The following DYDC1 variants were observed in gnomAD, a reference collection of about 807,000 sequenced individuals.
DYDC1 encodes the protein DPY30 domain-containing protein 1.
Under a neutral mutation model 27.9 loss-of-function variants are expected in DYDC1, and 21 were observed. The ratio of observed to expected loss-of-function variants is 0.75; its 90% CI spans 0.53 to 1.08. DYDC1 has a LOEUF of 1.08. Among genes scored for constraint, DYDC1 ranks in the 50% least tolerant of loss-of-function variants. The probability of loss-of-function intolerance (pLI) is 0.00; values close to 1 mark genes in which losing one functional copy is unlikely to be tolerated. For synonymous variants in DYDC1, 67 were observed against 65.8 expected, an observed-to-expected ratio of 1.02 and a Z score of -0.09; for missense variants, 202 against 205.9, an observed-to-expected ratio of 0.98 and a Z score of 0.12.
intron 1 of DYDC1, chr10:80,356,460 G>A (rs927769443): frequency 2.7e-5 from 27 of 985,230 alleles, no homozygotes; most frequent in Non-Finnish European, 3.3e-5. Flanking sequence ...GGCGCTCAGT[G>A]TGGTTTTCCC....
chr10:80,337,528 A>G, intron 6 of DYDC1: 1 of 704,060 alleles, frequency 1.4e-6, no homozygotes, highest in African/African-American at 1.9e-5. Context: ...TGCAAAATGT[A>G]GCTCTCATCA....
chr10:80,355,355 A>G (rs1278721821), intron 1 of DYDC1, among the ~76,000 whole-genome samples: 1 of 151,922 alleles, frequency 6.6e-6, no homozygotes, highest in Admixed American at 6.5e-5. Flanking sequence ...TTTATGCCAT[A>G]ACTATGTGCA....
chr10:80,352,528 C>A lies in DYDC1; in HGVS notation c.74G>T (p.Arg25Leu), dbSNP rs368762666. The change falls in exon 2 of 7, where the codon CGC (arginine) becomes CTC (leucine). Residue 25 changes from arginine (R) to leucine (L), a missense_variant. Arg to Leu is a moderately radical substitution (Grantham distance 102). Coordinates refer to ENST00000372202, the MANE Select transcript of DYDC1 (RefSeq NM_001269053.2). ...TQGLAEVARV[R>L]PVDPIEYLAL... ...TAAATATTCTATCGGATCCACTGGG[C>A]GAACTCTTGCCACTTCTGCAAGACC... 5 of 1,613,464 alleles carry A rather than the reference C, an allele frequency of 3.1e-6. No individual in the cohort carries two copies. Among genetic ancestry groups the A allele is most frequent in the Non-Finnish European group, 3.4e-6 (4 of 1,179,782 alleles).
At chr10:80,336,523 T>G in intron 6 of DYDC1, 4 of 173,766 alleles carry the variant, frequency 2.3e-5, no homozygotes, top group Non-Finnish European at 4.6e-5. Context: ...CTAGGTACCT[T>G]ACTCAATCCC....
intron 1 of DYDC1, among the ~76,000 whole-genome samples, chr10:80,354,667 C>A (rs768804222): frequency 1.4e-4 from 22 of 151,948 alleles, no homozygotes; most frequent in Non-Finnish European, 2.4e-4. Flanking sequence ...TAGTGTGGAG[C>A]CGTCATGCAT....
Position 80,352,588 on chromosome 10 carries a change from T to TA in DYDC1, c.13dup (p.Tyr5LeufsTer37), listed in dbSNP as rs1843066011. On this transcript the variant is annotated frameshift_variant, in exon 2 of 7. Transcript: ENST00000372202. LOFTEE classifies it high-confidence loss of function. ...ACAGGCCCCAAGGTGCTTTTGAAGA[T>TA]ATATTGACTCCATTTCTAACTCCTA... The TA allele has an allele frequency of 6.2e-7, 1 of 1,604,058 alleles. No individual in the cohort carries two copies. The highest frequency in any genetic ancestry group is 1.1e-5 in the South Asian group (1 of 88,218).
chr10:80,352,975 A>G (rs2132841472), intron 1 of DYDC1, among the ~76,000 whole-genome samples: 1 of 152,308 alleles, frequency 6.6e-6, no homozygotes, highest in South Asian at 2.1e-4. Flanking sequence ...AAGATGAGCA[A>G]GCCCAGGCAC....
chr10:80,350,465 C>T (rs1842920569), intron 3 of DYDC1, among the ~76,000 whole-genome samples: 1 of 152,164 alleles, frequency 6.6e-6, no homozygotes, highest in Non-Finnish European at 1.5e-5. Context: ...CTGCAGGAAG[C>T]ACCTGGCCTG....
In DYDC1 at chr10:80,342,277, A is replaced by G; in HGVS notation, c.334T>C (p.Leu112=). The G allele has an allele frequency of 6.2e-7, 1 of 1,613,448 alleles. No homozygotes were observed. The highest frequency in any genetic ancestry group is 8.5e-7 in the Non-Finnish European group (1 of 1,179,772). Residue 112 remains leucine, a synonymous_variant, in exon 4 of 7, where the codon TTA becomes CTA. Transcript: ENST00000372202. ...IQELQRAQEQ[L]GKEMRMNMEN... Reference sequence around the variant, plus strand: ...ATAAAACTTCAAATTACCTTGCCTAATTGTTCTTGAGCTCTCTGTAGTTCT... The same window carrying G: ...ATAAAACTTCAAATTACCTTGCCTAGTTGTTCTTGAGCTCTCTGTAGTTCT...
intron 3 of DYDC1, among the ~76,000 whole-genome samples, chr10:80,346,316 T>C (rs1015148246): frequency 2.0e-5 from 3 of 152,178 alleles, no homozygotes; most frequent in African/African-American, 7.2e-5. Context: ...GGTCATATGG[T>C]AGCTTTTAAT....
chr10:80,355,497 G>C (rs1037562137), intron 1 of DYDC1, among the ~76,000 whole-genome samples: 1 of 152,020 alleles, frequency 6.6e-6, no homozygotes, highest in Non-Finnish European at 1.5e-5. Flanking sequence ...CTATCTCAAA[G>C]ATATAGTTGC....
Position 80,356,738 on chromosome 10 carries a change from CAGGAGCG to C in DYDC1, c.-43_-37del. ...CCTACACACGCGCCTGCTCGCCACC[CAGGAGCG>C]GCGTCCCGTTGCCAGGCAACGAGAG... On this transcript the variant is annotated 5_prime_UTR_variant, in exon 1 of 7. Transcript: ENST00000372202. The C allele has an allele frequency of 1.0e-6, 1 of 985,456 alleles. No individual in the cohort carries two copies. The highest frequency in any genetic ancestry group is 4.7e-5 in the South Asian group (1 of 21,282). The allele number at this position is 985,456 out of a possible 1,614,324, so 61.0% of individuals were successfully genotyped here.
intron 6 of DYDC1, 142 bp from the exon 7 acceptor site, chr10:80,336,327 A>T: frequency 7.3e-7 from 1 of 1,364,136 alleles, no homozygotes; most frequent in South Asian, 1.9e-5. Flanking sequence ...TTCAAATGAT[A>T]CTCAAATTGA....
At chr10:80,353,919 C>A (rs1396135450) in intron 1 of DYDC1, among the ~76,000 whole-genome samples, 1 of 152,020 alleles carries the variant, frequency 6.6e-6, no homozygotes, top group African/African-American at 2.4e-5. Flanking sequence ...CCTTGGAGCC[C>A]TTTTGGAAAC....
intron 3 of DYDC1, among the ~76,000 whole-genome samples, chr10:80,349,694 G>A (rs1842876118): frequency 6.6e-6 from 1 of 152,170 alleles, no homozygotes; most frequent in Admixed American, 6.5e-5. Context: ...ATAATGCAAA[G>A]TGTATTTGTT....
At chr10:80,355,096 G>GAA (rs79869965) in intron 1 of DYDC1, among the ~76,000 whole-genome samples, 3,478 of 142,492 alleles carry the variant, frequency 0.024, 157 homozygotes, top group South Asian at 0.17. Flanking sequence ...TACATTTACT[G>GAA]AAAAAAAAAA....
At position 80,351,356 on chromosome 10, in the gene DYDC1, T is replaced by C. The variant is rs1842961298; in HGVS notation, c.249+545A>G. Among the ~76,000 whole-genome samples the C allele has an allele frequency of 5.3e-5, 8 of 151,538 alleles. No individual in the cohort carries two copies. The South Asian group carries it at 1.7e-3, about 31-fold the overall frequency. Reference sequence around the variant, plus strand: ...CCTACGAATCATCCACTCTATTTCCTAATGTCACCCACTCACTCCTCCACT... The same window carrying C: ...CCTACGAATCATCCACTCTATTTCCCAATGTCACCCACTCACTCCTCCACT... On this transcript the variant is annotated intron_variant, in intron 3 of 6. Coordinates refer to ENST00000372202, the MANE Select transcript of DYDC1 (RefSeq NM_001269053.2).
chr10:80,356,226 G>A (rs2132867137), intron 1 of DYDC1: 2 of 982,326 alleles, frequency 2.0e-6, no homozygotes, highest in Non-Finnish European at 2.4e-6. Context: ...TCTCTCCTGT[G>A]GTAAGCAATG....
chr10:80,338,630 T>A, intron 5 of DYDC1, 59 bp from the exon 6 acceptor site: 1 of 1,428,622 alleles, frequency 7.0e-7, no homozygotes, highest in Non-Finnish European at 9.2e-7. Flanking sequence ...ACATTACTTT[T>A]CTTTCAATTT....
Sources: gnomAD v4.1 joint callset for allele counts (sites outside exome capture counted in the v4.1 genomes callset) on GRCh38, gnomAD v4.1.1 for gene constraint, MANE v1.5 for transcripts, NCBI Gene and HGNC (gene_info 2026-07-23, HGNC 2026-07-21) for gene names.